NLGN1: variants seen among roughly 807,000 people sequenced by gnomAD.
NLGN1 encodes neuroligin-1.
NLGN1 carries 12 observed loss-of-function variants against 65.5 expected under a neutral mutation model. That is an observed-to-expected ratio of 0.18 (90% CI 0.12 to 0.30). The LOEUF is 0.30. NLGN1 is among the 10% of genes least tolerant of loss of function. The pLI, the probability that NLGN1 is intolerant of heterozygous loss-of-function variation, is 1.00. For missense variants in NLGN1, 750 were observed against 1,007.1 expected, an observed-to-expected ratio of 0.74 and a Z score of 3.46; for synonymous variants, 350 against 359.5, an observed-to-expected ratio of 0.97 and a Z score of 0.30.
chr3:173,790,431 A>G (rs1712442453), intron 3 of NLGN1, among the ~76,000 whole-genome samples: 1 of 152,186 alleles, frequency 6.6e-6, no homozygotes, highest in South Asian at 2.1e-4. Flanking sequence ...AGTGATAATT[A>G]TCATTACTCT....
the NLGN1 span, among the ~76,000 whole-genome samples, chr3:174,293,580 TAG>T: frequency 6.6e-6 from 1 of 151,582 alleles, no homozygotes; most frequent in African/African-American, 2.4e-5. Flanking sequence ...CTCTGGAAGC[TAG>T]AAGAAATTGG....
chr3:173,758,692 C>A (rs1777499300), intron 3 of NLGN1, among the ~76,000 whole-genome samples: 1 of 151,912 alleles, frequency 6.6e-6, no homozygotes, highest in Non-Finnish European at 1.5e-5. Flanking sequence ...AAAATGCCCC[C>A]CTCCATGTAT....
chr3:173,436,313 A>G (rs1025936256), intron 2 of NLGN1, among the ~76,000 whole-genome samples: 9 of 152,226 alleles, frequency 5.9e-5, no homozygotes, highest in African/African-American at 2.2e-4. Context: ...GTAGTTATAA[A>G]CAAACGGAAG....
chr3:173,539,707 T>TAACATACATATATGTACATATGC (rs1289538891), intron 2 of NLGN1, among the ~76,000 whole-genome samples: 1 of 137,424 alleles, frequency 7.3e-6, no homozygotes, highest in Admixed American at 7.5e-5. Context: ...TGCACATATA[T>TAACATACATATATGTACATATGC]ACATATATGT....
chr3:174,221,844 A>C (rs1738718295), intron 4 of NLGN1, among the ~76,000 whole-genome samples: 1 of 151,376 alleles, frequency 6.6e-6, no homozygotes, highest in Non-Finnish European at 1.5e-5. Context: ...GCGTCATTCC[A>C]ATCTCTTCCT....
intron 4 of NLGN1, among the ~76,000 whole-genome samples, chr3:173,943,176 G>A (rs923175304): frequency 1.3e-5 from 2 of 151,600 alleles, no homozygotes; most frequent in Non-Finnish European, 1.5e-5. Flanking sequence ...GTAGTGAACT[G>A]TAATGGCACC....
At chr3:174,030,315 G>A (rs1036530055) in intron 4 of NLGN1, among the ~76,000 whole-genome samples, 23 of 151,720 alleles carry the variant, frequency 1.5e-4, no homozygotes, top group African/African-American at 5.3e-4. Flanking sequence ...TAGTAGAGAT[G>A]GGGTTTCACC....
At chr3:173,756,507 T>C (rs1777144161) in intron 3 of NLGN1, among the ~76,000 whole-genome samples, 1 of 151,922 alleles carries the variant, frequency 6.6e-6, no homozygotes, top group South Asian at 2.1e-4. Context: ...TACATGTGTG[T>C]AGATATATAT....
intron 4 of NLGN1, among the ~76,000 whole-genome samples, chr3:173,832,655 T>C (rs2150605794): frequency 6.6e-6 from 1 of 152,320 alleles, no homozygotes; most frequent in South Asian, 2.1e-4. Flanking sequence ...TTTTGTTAAC[T>C]TAGGAAAGTA....
intron 3 of NLGN1, among the ~76,000 whole-genome samples, chr3:173,788,523 T>C (rs1711813364): frequency 6.6e-6 from 1 of 152,052 alleles, no homozygotes; most frequent in Non-Finnish European, 1.5e-5. Flanking sequence ...TTTAATTTCA[T>C]AAATGATCCT....
At chr3:174,159,558 C>A (rs1201909213) in intron 4 of NLGN1, among the ~76,000 whole-genome samples, 1 of 151,144 alleles carries the variant, frequency 6.6e-6, no homozygotes, top group African/African-American at 2.4e-5. Context: ...AGAAAGAAAG[C>A]CCAACAAGGT....
chr3:174,131,099 CG>C (rs905097206), intron 4 of NLGN1, among the ~76,000 whole-genome samples: 17 of 152,064 alleles, frequency 1.1e-4, no homozygotes, highest in Non-Finnish European at 1.9e-4. Flanking sequence ...CCAGGTTACC[CG>C]GAAGTCCTAA....
At chr3:173,462,192 T>G (rs1723523192) in intron 2 of NLGN1, among the ~76,000 whole-genome samples, 1 of 152,188 alleles carries the variant, frequency 6.6e-6, no homozygotes, top group Non-Finnish European at 1.5e-5. Flanking sequence ...AGCAAATAGT[T>G]GGCTCATTGG....
At chr3:173,879,817 T>C (rs1471991140) in intron 4 of NLGN1, among the ~76,000 whole-genome samples, 1 of 152,164 alleles carries the variant, frequency 6.6e-6, no homozygotes, top group East Asian at 1.9e-4. Flanking sequence ...GAATTTCTAG[T>C]TGTCATCTTT....
intron 4 of NLGN1, among the ~76,000 whole-genome samples, chr3:173,948,856 A>G (rs995424622): frequency 6.6e-6 from 1 of 152,194 alleles, no homozygotes; most frequent in Admixed American, 6.5e-5. Flanking sequence ...ACTCAAATTT[A>G]GTGGCAACCC....
At chr3:173,847,201 G>T (rs937546510) in intron 4 of NLGN1, among the ~76,000 whole-genome samples, 3 of 151,964 alleles carry the variant, frequency 2.0e-5, no homozygotes, top group African/African-American at 7.3e-5. Flanking sequence ...ATATATTCTT[G>T]CCTTAAAAAA....
intron 4 of NLGN1, among the ~76,000 whole-genome samples, chr3:173,953,290 A>G (rs1263043450): frequency 2.6e-5 from 4 of 152,196 alleles, no homozygotes; most frequent in Admixed American, 6.5e-5. Flanking sequence ...AAATCTTGTT[A>G]TCATTACATA....
intron 3 of NLGN1, among the ~76,000 whole-genome samples, chr3:173,731,246 A>G (rs994444152): frequency 2.0e-5 from 3 of 152,126 alleles, no homozygotes; most frequent in African/African-American, 7.2e-5. Context: ...GATAAGTTGT[A>G]TACATTTGTT....
chr3:173,420,936 T>G (rs114366686), intron 1 of NLGN1, among the ~76,000 whole-genome samples: 27 of 152,330 alleles, frequency 1.8e-4, no homozygotes, highest in African/African-American at 6.3e-4. Flanking sequence ...TTGTTTTAAT[T>G]TATTGTATAT....
Sources: gnomAD v4.1 joint callset for allele counts (sites outside exome capture counted in the v4.1 genomes callset) on GRCh38, gnomAD v4.1.1 for gene constraint, MANE v1.5 for transcripts, NCBI Gene and HGNC (gene_info 2026-07-23, HGNC 2026-07-21) for gene names.